Variants in ZMAT4 observed in about 807,000 individuals in gnomAD.
ZMAT4 encodes zinc finger matrin-type protein 4.
ZMAT4 carries 17 observed loss-of-function variants against 28.7 expected under a neutral mutation model. The ratio of observed to expected loss-of-function variants is 0.59; its 90% CI spans 0.41 to 0.89. The LOEUF is 0.89. Among genes scored for constraint, ZMAT4 ranks in the 40% least tolerant of loss-of-function variants. The pLI is 0.00. For missense variants in ZMAT4, 240 were observed against 283.8 expected (o/e 0.85, Z 1.11); for synonymous variants, 117 against 109.2 (o/e 1.07, Z -0.44).
chr8:40,887,476 G>A (rs13271842), intron 1 of ZMAT4, among the ~76,000 whole-genome samples: 4,614 of 145,884 alleles, frequency 0.032, 113 homozygotes, highest in South Asian at 0.087. Context: ...GCGACATAGC[G>A]AGACTTCATC....
At chr8:40,658,637 C>G (rs542846200) in intron 5 of ZMAT4, among the ~76,000 whole-genome samples, 1 of 150,216 alleles carries the variant, frequency 6.7e-6, no homozygotes, top group South Asian at 2.1e-4. Context: ...CACACACACA[C>G]ACACACACAC....
At chr8:40,668,818 A>G (rs1585850279) in intron 5 of ZMAT4, among the ~76,000 whole-genome samples, 1 of 151,958 alleles carries the variant, frequency 6.6e-6, no homozygotes, top group Admixed American at 6.5e-5. Flanking sequence ...TATTGGCTCC[A>G]TCGATGCTTT....
At chr8:40,716,520 C>T (rs1235684535) in intron 3 of ZMAT4, among the ~76,000 whole-genome samples, 1 of 152,094 alleles carries the variant, frequency 6.6e-6, no homozygotes, top group Non-Finnish European at 1.5e-5. Flanking sequence ...GGCGAAACCC[C>T]ATCTCTACTA....
chr8:40,626,149 G>T (rs1046574003), intron 5 of ZMAT4, among the ~76,000 whole-genome samples: 125 of 31,352 alleles, frequency 4.0e-3, no homozygotes, highest in African/African-American at 6.4e-3. Context: ...TGGAAGTCTT[G>T]GGGGGTAAAT....
At chr8:40,801,169 A>G (rs1814812665) in intron 2 of ZMAT4, among the ~76,000 whole-genome samples, 1 of 151,546 alleles carries the variant, frequency 6.6e-6, no homozygotes, top group South Asian at 2.1e-4. Context: ...AAAGTCACAC[A>G]AGAAGAAATA....
chr8:40,846,626 C>G (rs1364288212), intron 1 of ZMAT4, among the ~76,000 whole-genome samples: 1 of 152,206 alleles, frequency 6.6e-6, no homozygotes, highest in East Asian at 1.9e-4. Flanking sequence ...TTGGCGTCCC[C>G]GTTTCCAGGA....
intron 3 of ZMAT4, among the ~76,000 whole-genome samples, chr8:40,756,786 A>G (rs899405536): frequency 2.0e-5 from 3 of 151,964 alleles, no homozygotes; most frequent in East Asian, 1.9e-4. Context: ...GCCTCTGTCT[A>G]TAACATTTTC....
intron 6 of ZMAT4, among the ~76,000 whole-genome samples, chr8:40,580,524 T>C (rs750759785): frequency 2.6e-5 from 4 of 152,230 alleles, no homozygotes; most frequent in East Asian, 1.9e-4. Context: ...TCATATTTTA[T>C]TAGCATTTTA....
At chr8:40,681,663 C>T (rs1215470387) in intron 4 of ZMAT4, among the ~76,000 whole-genome samples, 1 of 152,068 alleles carries the variant, frequency 6.6e-6, no homozygotes, top group African/African-American at 2.4e-5. Flanking sequence ...AGTAGATGCT[C>T]AATGAACATG....
intron 1 of ZMAT4, among the ~76,000 whole-genome samples, chr8:40,890,133 T>A (rs551894876): frequency 4.6e-5 from 7 of 152,364 alleles, no homozygotes; most frequent in African/African-American, 1.4e-4. Context: ...ATGTGAACTG[T>A]CTATTCCCAT....
chr8:40,797,033 ACT>A lies in ZMAT4; in HGVS notation c.102+28540_102+28541del, dbSNP rs562533542. 5.9e-5 allele frequency among the ~76,000 whole-genome samples: 9 copies of A among 151,710 alleles called. No homozygotes were observed. In the East Asian group the frequency reaches 1.7e-3, roughly 29 times the overall value. On this transcript the variant is annotated intron_variant, in intron 2 of 6. Coordinates refer to ENST00000297737, the MANE Select transcript of ZMAT4 (RefSeq NM_024645.3). ...TTAGCTTTCCAGACTCACTCCCCTC[ACT>A]CTGTGCTCCAGCAAAGCTACACTGC... is the stretch of plus-strand genomic sequence containing the variant.
intron 2 of ZMAT4, among the ~76,000 whole-genome samples, chr8:40,781,930 A>G (rs1156460140): frequency 6.6e-6 from 1 of 152,202 alleles, no homozygotes; most frequent in Non-Finnish European, 1.5e-5. Flanking sequence ...CCTACCATAT[A>G]CAGAAGTTAA....
At chr8:40,543,829 G>A (rs1351231751) in intron 6 of ZMAT4, among the ~76,000 whole-genome samples, 1 of 152,162 alleles carries the variant, frequency 6.6e-6, no homozygotes, top group Non-Finnish European at 1.5e-5. Context: ...AGATAAGGTA[G>A]AGGGAACAAC....
chr8:40,791,034 A>T (rs1814303994), intron 2 of ZMAT4, among the ~76,000 whole-genome samples: 1 of 152,256 alleles, frequency 6.6e-6, no homozygotes, highest in African/African-American at 2.4e-5. Flanking sequence ...CAATGGAGAA[A>T]GGCGGCTCTT....
chr8:40,749,404 C>A (rs1370519478), intron 3 of ZMAT4, among the ~76,000 whole-genome samples: 1 of 152,160 alleles, frequency 6.6e-6, no homozygotes, highest in Non-Finnish European at 1.5e-5. Flanking sequence ...TGACTGAGGT[C>A]ATTCAGCTAG....
chr8:40,567,062 T>A (rs1032707407), intron 6 of ZMAT4, among the ~76,000 whole-genome samples: 1 of 152,076 alleles, frequency 6.6e-6, no homozygotes, highest in African/African-American at 2.4e-5. Context: ...TTGGGTGTCT[T>A]TAGAAGGAAA....
chr8:40,825,270 T>C (rs1272929100), intron 2 of ZMAT4, among the ~76,000 whole-genome samples: 1 of 152,136 alleles, frequency 6.6e-6, no homozygotes, highest in Non-Finnish European at 1.5e-5. Context: ...AAAGGAACTT[T>C]GTGGATGCAC....
At chr8:40,567,051 G>A (rs1259563854) in intron 6 of ZMAT4, among the ~76,000 whole-genome samples, 3 of 152,120 alleles carry the variant, frequency 2.0e-5, no homozygotes, top group Non-Finnish European at 4.4e-5. Flanking sequence ...ATGTTATCCT[G>A]TTGGGTGTCT....
At chr8:40,811,720 G>A (rs1019022704) in intron 2 of ZMAT4, among the ~76,000 whole-genome samples, 80 of 152,302 alleles carry the variant, frequency 5.3e-4, no homozygotes, top group African/African-American at 1.8e-3. Context: ...ACAGCAGTTA[G>A]AAGCCATAGA....
Sources: gnomAD v4.1 joint callset for allele counts (sites outside exome capture counted in the v4.1 genomes callset) on GRCh38, gnomAD v4.1.1 for gene constraint, MANE v1.5 for transcripts, NCBI Gene and HGNC (gene_info 2026-07-23, HGNC 2026-07-21) for gene names.